The following NAV2 variants were observed in gnomAD, a reference collection of about 807,000 sequenced individuals.
NAV2 encodes helicase, APC down-regulated 1.
In NAV2, 54 loss-of-function variants were observed where a neutral mutation model predicts 223.2. The ratio of observed to expected loss-of-function variants is 0.24; its 90% CI spans 0.19 to 0.30. The LOEUF (loss-of-function observed/expected upper bound fraction) is 0.30, where lower values mean the gene tolerates loss of function less well. Ranked by LOEUF, NAV2 falls within the 10% of genes least tolerant of loss-of-function variation. The probability of loss-of-function intolerance (pLI) is 1.00; values close to 1 mark genes in which losing one functional copy is unlikely to be tolerated. For missense variants in NAV2, 2,806 were observed against 3,147.5 expected (o/e 0.89, Z 2.60); for synonymous variants, 1,279 against 1,239.3 (o/e 1.03, Z -0.67).
chr11:19,589,359 C>T (rs2045989811), intron 1 of NAV2, among the ~76,000 whole-genome samples: 1 of 152,160 alleles, frequency 6.6e-6, no homozygotes, highest in South Asian at 2.1e-4. Context: ...GATTTTTAAT[C>T]AAGGAAATAA....
chr11:19,471,387 C>T (rs1241249861), intron 1 of NAV2, among the ~76,000 whole-genome samples: 1 of 152,170 alleles, frequency 6.6e-6, no homozygotes, highest in African/African-American at 2.4e-5. Context: ...CAGTGCCCAA[C>T]ATATAGCAGT....
intron 1 of NAV2, among the ~76,000 whole-genome samples, chr11:19,432,694 A>G (rs1851078521): frequency 6.6e-6 from 1 of 152,144 alleles, no homozygotes; most frequent in South Asian, 2.1e-4. Context: ...AGGTACAGCT[A>G]GGGTGTCCCT....
At chr11:19,970,343 A>G (rs1280957491) in intron 10 of NAV2, among the ~76,000 whole-genome samples, 1 of 152,184 alleles carries the variant, frequency 6.6e-6, no homozygotes, top group East Asian at 1.9e-4. Flanking sequence ...TAATTTTTGT[A>G]TTTGTAGTAG....
At chr11:19,489,768 A>G (rs2042563204) in intron 1 of NAV2, among the ~76,000 whole-genome samples, 1 of 152,212 alleles carries the variant, frequency 6.6e-6, no homozygotes. Context: ...ATTTCTAACA[A>G]AGATAGATGC....
chr11:19,940,313 T>C (rs2058011669), intron 8 of NAV2, among the ~76,000 whole-genome samples: 1 of 152,198 alleles, frequency 6.6e-6, no homozygotes, highest in African/African-American at 2.4e-5. Flanking sequence ...ACAGGTACAT[T>C]ATACTGTATG....
At chr11:19,602,444 G>A (rs1270252172) in intron 1 of NAV2, among the ~76,000 whole-genome samples, 1 of 152,096 alleles carries the variant, frequency 6.6e-6, no homozygotes, top group Non-Finnish European at 1.5e-5. Flanking sequence ...CCAAAGTGCT[G>A]GGATGACAGG....
intron 1 of NAV2, among the ~76,000 whole-genome samples, chr11:19,493,098 A>C (rs2042683550): frequency 6.6e-6 from 1 of 152,288 alleles, no homozygotes; most frequent in Non-Finnish European, 1.5e-5. Context: ...TACATAAGGC[A>C]CTTCACACAG....
intron 6 of NAV2, among the ~76,000 whole-genome samples, chr11:19,894,122 T>C (rs1701314095): frequency 6.6e-6 from 1 of 152,212 alleles, no homozygotes. Flanking sequence ...GTACCTACCA[T>C]GTGTCTTATT....
At chr11:19,368,565 A>C (rs1848366738) in intron 1 of NAV2, among the ~76,000 whole-genome samples, 1 of 152,116 alleles carries the variant, frequency 6.6e-6, no homozygotes, top group Non-Finnish European at 1.5e-5. Flanking sequence ...ATCCCTTATA[A>C]TGTTGTTATG....
chr11:20,090,835 CT>C (rs1565041674), intron 26 of NAV2, 29 bp from the exon 27 acceptor site: 2 of 1,609,826 alleles, frequency 1.2e-6, no homozygotes, highest in South Asian at 2.2e-5. Flanking sequence ...AAAGGAGCTG[CT>C]TTCATCAGTA....
intron 6 of NAV2, among the ~76,000 whole-genome samples, chr11:19,921,629 C>T (rs2044276660): frequency 6.6e-6 from 1 of 152,160 alleles, no homozygotes; most frequent in African/African-American, 2.4e-5. Context: ...TTTTGAGAGT[C>T]CTGTTTATTG....
intron 11 of NAV2, among the ~76,000 whole-genome samples, chr11:19,993,412 A>G (rs982764994): frequency 8.5e-5 from 13 of 152,206 alleles, no homozygotes; most frequent in Non-Finnish European, 5.9e-5. Flanking sequence ...ACTTTTCCTC[A>G]TTATTGGCCA....
chr11:19,840,721 TGG>T (rs1220159269), intron 2 of NAV2, among the ~76,000 whole-genome samples: 6 of 152,208 alleles, frequency 3.9e-5, no homozygotes, highest in African/African-American at 1.4e-4. Flanking sequence ...GTATTATAAA[TGG>T]AAGGATAGCT....
At chr11:19,757,732 T>C (rs143798718) in intron 1 of NAV2, among the ~76,000 whole-genome samples, 7 of 152,348 alleles carry the variant, frequency 4.6e-5, no homozygotes, top group Middle Eastern at 3.4e-3. Flanking sequence ...GTATGTGCTA[T>C]ACATTGTTCT....
At chr11:19,956,345 T>C (rs1189328831) in intron 10 of NAV2, among the ~76,000 whole-genome samples, 1 of 150,200 alleles carries the variant, frequency 6.7e-6, no homozygotes. Context: ...TCCACAAGAT[T>C]ACCACACCCC....
Position 20,093,208 on chromosome 11 carries a change from G to C in NAV2, c.5916+9G>C. ...AAATGAAGTGGAAGGAGGTTAGTTG[G>C]ATCCCTTTCCCTGCTTTGCCTGTCC... is the stretch of plus-strand genomic sequence containing the variant. On this transcript the variant is annotated intron_variant, in intron 29 of 37. Transcript: ENST00000349880. 2 of 1,591,734 alleles carry C rather than the reference G, an allele frequency of 1.3e-6. No homozygotes were observed. The highest frequency in any genetic ancestry group is 8.6e-7 in the Non-Finnish European group (1 of 1,159,740).
At chr11:20,057,177 A>G (rs2058416939) in intron 19 of NAV2, among the ~76,000 whole-genome samples, 1 of 152,220 alleles carries the variant, frequency 6.6e-6, no homozygotes, top group Non-Finnish European at 1.5e-5. Context: ...GCATCCTCCC[A>G]GCATGAAAGA....
intron 1 of NAV2, among the ~76,000 whole-genome samples, chr11:19,756,966 C>A (rs940395905): frequency 3.9e-5 from 6 of 151,966 alleles, no homozygotes; most frequent in Non-Finnish European, 7.4e-5. Context: ...GAGGCTGAGA[C>A]AAGGCCAGGG....
chr11:20,013,023 A>G (rs1476626563), intron 11 of NAV2, among the ~76,000 whole-genome samples: 1 of 152,188 alleles, frequency 6.6e-6, no homozygotes, highest in Non-Finnish European at 1.5e-5. Flanking sequence ...AGTAAACACC[A>G]TGATAAGAAC....
Sources: gnomAD v4.1 joint callset for allele counts (sites outside exome capture counted in the v4.1 genomes callset) on GRCh38, gnomAD v4.1.1 for gene constraint, MANE v1.5 for transcripts, NCBI Gene and HGNC (gene_info 2026-07-23, HGNC 2026-07-21) for gene names.